The following PALLD variants were observed in gnomAD, a reference collection of about 807,000 sequenced individuals.
PALLD encodes palladin.
In PALLD, 61 loss-of-function variants were observed where a neutral mutation model predicts 123.5. The observed-to-expected ratio is 0.49, with a 90% CI of 0.40 to 0.61. The LOEUF (loss-of-function observed/expected upper bound fraction) is 0.61. PALLD is among the 20% of genes least tolerant of loss of function. The pLI, the probability that PALLD is intolerant of heterozygous loss-of-function variation, is 0.00. For synonymous variants in PALLD, 465 were observed against 496.4 expected (o/e 0.94, Z 0.84); for missense variants, 1,273 against 1,377.0 (o/e 0.92, Z 1.20).
chr4:168,760,818 C>T (rs1458488506), intron 10 of PALLD, among the ~76,000 whole-genome samples: 1 of 152,202 alleles, frequency 6.6e-6, no homozygotes, highest in Non-Finnish European at 1.5e-5. Context: ...ACACTTATGC[C>T]TATTGTTTTT....
intron 10 of PALLD, among the ~76,000 whole-genome samples, chr4:168,763,072 G>T (rs964373515): frequency 6.6e-6 from 1 of 152,148 alleles, no homozygotes; most frequent in Non-Finnish European, 1.5e-5. Flanking sequence ...ACCTAATGTA[G>T]ATAACAGGTT....
chr4:168,730,361 G>A (rs1157766135), intron 10 of PALLD, among the ~76,000 whole-genome samples: 1 of 151,942 alleles, frequency 6.6e-6, no homozygotes, highest in African/African-American at 2.4e-5. Flanking sequence ...GGATGCAATC[G>A]TGTCCTTTGC....
At chr4:168,673,891 T>C (rs1464041913) in intron 3 of PALLD, among the ~76,000 whole-genome samples, 1 of 82,494 alleles carries the variant, frequency 1.2e-5, no homozygotes, top group African/African-American at 1.3e-4. Context: ...GAACGTGCTG[T>C]GTGTGTGTGT....
chr4:168,713,916 A>G (rs1245175938), intron 10 of PALLD, among the ~76,000 whole-genome samples: 2 of 132,576 alleles, frequency 1.5e-5, no homozygotes, highest in African/African-American at 5.7e-5. Flanking sequence ...TAGAAACAAC[A>G]TTTACTTGTA....
intron 3 of PALLD, among the ~76,000 whole-genome samples, chr4:168,670,739 CAA>C (rs752284669): frequency 6.7e-5 from 3 of 45,072 alleles, no homozygotes; most frequent in East Asian, 4.9e-4. Flanking sequence ...GACTCCGTCT[CAA>C]AAAAACAAAA....
chr4:168,590,326 G>A (rs1771274407), intron 2 of PALLD, among the ~76,000 whole-genome samples: 1 of 152,196 alleles, frequency 6.6e-6, no homozygotes, highest in Non-Finnish European at 1.5e-5. Context: ...TGGGCAACAA[G>A]AGCAAAACTC....
At chr4:168,508,307 A>T (rs1762204724) in intron 1 of PALLD, among the ~76,000 whole-genome samples, 1 of 152,216 alleles carries the variant, frequency 6.6e-6, no homozygotes, top group Non-Finnish European at 1.5e-5. Flanking sequence ...TTAAAAAAAG[A>T]CATACTCAAT....
intron 2 of PALLD, among the ~76,000 whole-genome samples, chr4:168,558,226 C>A (rs566294067): frequency 1.1e-4 from 16 of 152,304 alleles, no homozygotes; most frequent in African/African-American, 3.8e-4. Flanking sequence ...CTCTGGCCCC[C>A]AAACTGCAAG....
chr4:168,775,242 GGT>G lies in PALLD; in HGVS notation c.1964+63324_1964+63325del, dbSNP rs1314730841. Among the ~76,000 whole-genome samples, 4 of 152,158 alleles carry G rather than the reference GGT, an allele frequency of 2.6e-5. No homozygotes were observed. In the South Asian group the frequency reaches 8.3e-4, roughly 32 times the overall value. ...TTTCTTAATTTTAGCCACTTTAACAGGTGTGTAGTAGAATTTCATCGTGGTTT... is the reference window on the plus strand; with the variant it reads ...TTTCTTAATTTTAGCCACTTTAACAGGTGTAGTAGAATTTCATCGTGGTTT... On this transcript the variant is annotated intron_variant, in intron 10 of 21. Coordinates refer to ENST00000505667, the MANE Select transcript of PALLD (RefSeq NM_001166108.2).
intron 2 of PALLD, chr4:168,648,131 G>A (rs1777665062): frequency 6.6e-6 from 1 of 152,042 alleles, no homozygotes; most frequent in Non-Finnish European, 1.5e-5. Context: ...GTATGCTCCA[G>A]AGAGCACCAG....
intron 10 of PALLD, among the ~76,000 whole-genome samples, chr4:168,794,856 C>T (rs1262966381): frequency 6.6e-6 from 1 of 152,120 alleles, no homozygotes; most frequent in African/African-American, 2.4e-5. Context: ...AGTGTGTTTT[C>T]TTATGGTCTT....
chr4:168,918,155 C>G (rs1429945420), intron 17 of PALLD, among the ~76,000 whole-genome samples: 1 of 151,190 alleles, frequency 6.6e-6, no homozygotes, highest in Non-Finnish European at 1.5e-5. Context: ...TGCATTCCAA[C>G]CTGGGCAACA....
chr4:168,651,735 G>A (rs1778063181), intron 2 of PALLD, among the ~76,000 whole-genome samples: 1 of 151,988 alleles, frequency 6.6e-6, no homozygotes, highest in Admixed American at 6.6e-5. Flanking sequence ...AGGGGAGGAG[G>A]GAAGAATTTC....
chr4:168,771,705 A>G (rs1734476028), intron 10 of PALLD, among the ~76,000 whole-genome samples: 1 of 151,776 alleles, frequency 6.6e-6, no homozygotes, highest in Admixed American at 6.6e-5. Context: ...CCCCAAACAC[A>G]CCCAGCTCTT....
intron 3 of PALLD, among the ~76,000 whole-genome samples, chr4:168,676,932 C>A (rs984769844): frequency 6.6e-6 from 1 of 152,068 alleles, no homozygotes; most frequent in African/African-American, 2.4e-5. Context: ...GCAGGAGACT[C>A]ATTTTTGTGA....
intron 2 of PALLD, among the ~76,000 whole-genome samples, chr4:168,519,256 G>C: frequency 6.6e-6 from 1 of 152,122 alleles, no homozygotes; most frequent in East Asian, 1.9e-4. Flanking sequence ...ATCTTAAGGT[G>C]GGTAGTAGAG....
intron 10 of PALLD, among the ~76,000 whole-genome samples, chr4:168,834,662 A>T (rs1378322574): frequency 6.6e-6 from 1 of 152,100 alleles, no homozygotes; most frequent in African/African-American, 2.4e-5. Context: ...ACTTGAACCC[A>T]GCAGGTGGAA....
At chr4:168,781,573 G>A (rs1426948914) in intron 10 of PALLD, among the ~76,000 whole-genome samples, 1 of 152,218 alleles carries the variant, frequency 6.6e-6, no homozygotes, top group Non-Finnish European at 1.5e-5. Context: ...GCTGTTTGGA[G>A]ATTTGAGGGA....
intron 2 of PALLD, among the ~76,000 whole-genome samples, chr4:168,523,481 A>G (rs1469535027): frequency 6.6e-6 from 1 of 152,196 alleles, no homozygotes; most frequent in African/African-American, 2.4e-5. Context: ...GGGAGATGAG[A>G]AAGAAAATGT....
Sources: gnomAD v4.1 joint callset for allele counts (sites outside exome capture counted in the v4.1 genomes callset) on GRCh38, gnomAD v4.1.1 for gene constraint, MANE v1.5 for transcripts, NCBI Gene and HGNC (gene_info 2026-07-23, HGNC 2026-07-21) for gene names.